The following TANK variants were observed in gnomAD, a reference collection of about 807,000 sequenced individuals.
TANK encodes the protein TRAF family member associated NFKB activator.
TANK carries 15 observed loss-of-function variants against 43.6 expected under a neutral mutation model. The ratio of observed to expected loss-of-function variants is 0.34; its 90% CI spans 0.23 to 0.53. The LOEUF (loss-of-function observed/expected upper bound fraction) is 0.53, where lower values mean the gene tolerates loss of function less well. TANK is among the 20% of genes least tolerant of loss of function. TANK has a pLI of 0.94. For synonymous variants in TANK, 162 were observed against 178.2 expected (o/e 0.91, Z 0.73); for missense variants, 417 against 498.6 (o/e 0.84, Z 1.56).
intron 2 of TANK, among the ~76,000 whole-genome samples, chr2:161,189,862 G>T (rs1685833898): frequency 1.3e-5 from 2 of 152,010 alleles, no homozygotes; most frequent in Non-Finnish European, 1.5e-5. Flanking sequence ...AAATGCAAGA[G>T]GTAAAAACCA....
chr2:161,173,388 T>A (rs1027219464), intron 1 of TANK, among the ~76,000 whole-genome samples: 1 of 152,196 alleles, frequency 6.6e-6, no homozygotes, highest in African/African-American at 2.4e-5. Context: ...TCTCTACTTG[T>A]TGAAACTCTT....
At chr2:161,159,322 G>C (rs1441581190), upstream of TANK, 1 of 152,058 alleles carries the variant, frequency 6.6e-6, no homozygotes, top group African/African-American at 2.4e-5. Flanking sequence ...CTTGTGTCGG[G>C]GCAGAAAGTA....
chr2:161,155,568 C>T (rs945377327), upstream of TANK, among the ~76,000 whole-genome samples: 1 of 152,206 alleles, frequency 6.6e-6, no homozygotes, highest in African/African-American at 2.4e-5. Context: ...CTTGAGTAGG[C>T]AGACACTATA....
intron 1 of TANK, among the ~76,000 whole-genome samples, chr2:161,144,896 G>T (rs1372477435): frequency 2.0e-5 from 3 of 152,002 alleles, no homozygotes; most frequent in African/African-American, 7.2e-5. Context: ...TGACAGTAGG[G>T]TGTTAAAGTC....
chr2:161,191,855 G>A (rs1198177980), intron 2 of TANK, among the ~76,000 whole-genome samples: 3 of 151,868 alleles, frequency 2.0e-5, no homozygotes, highest in Non-Finnish European at 2.9e-5. Context: ...GTGCAGTGGC[G>A]CTCACTTGGC....
At chr2:161,168,327 T>G (rs1294425676) in intron 1 of TANK, among the ~76,000 whole-genome samples, 5 of 152,122 alleles carry the variant, frequency 3.3e-5, no homozygotes, top group Non-Finnish European at 5.9e-5. Flanking sequence ...AAAACCCAGA[T>G]AGTAGAAGTC....
chr2:161,138,983 T>C (rs987761243), intron 1 of TANK, among the ~76,000 whole-genome samples: 1 of 152,226 alleles, frequency 6.6e-6, no homozygotes, highest in African/African-American at 2.4e-5. Context: ...CTTGTGTGTG[T>C]AGTAAAGGTA....
chr2:161,195,841 T>G (rs1473360497), intron 2 of TANK, among the ~76,000 whole-genome samples: 1 of 152,144 alleles, frequency 6.6e-6, no homozygotes, highest in Non-Finnish European at 1.5e-5. Context: ...AGCACTTTTT[T>G]TGGGAGGCCC....
At chr2:161,147,454 C>A (rs1230183232) in intron 1 of TANK, among the ~76,000 whole-genome samples, 1 of 152,056 alleles carries the variant, frequency 6.6e-6, no homozygotes, top group Non-Finnish European at 1.5e-5. Flanking sequence ...GGTGTGGGCT[C>A]ACTAGTGGGA....
At chr2:161,178,200 T>C (rs1685253793) in intron 1 of TANK, among the ~76,000 whole-genome samples, 1 of 152,016 alleles carries the variant, frequency 6.6e-6, no homozygotes, top group Non-Finnish European at 1.5e-5. Context: ...CACACAAAAA[T>C]GTATACACAA....
At chr2:161,195,114 T>C (rs1161459924) in intron 2 of TANK, among the ~76,000 whole-genome samples, 1 of 152,226 alleles carries the variant, frequency 6.6e-6, no homozygotes, top group Non-Finnish European at 1.5e-5. Context: ...AAACTTTTAG[T>C]CAGGTATGTA....
chr2:161,172,472 G>T (rs1016153462), intron 1 of TANK, among the ~76,000 whole-genome samples: 52 of 151,446 alleles, frequency 3.4e-4, no homozygotes, highest in African/African-American at 1.1e-3. Flanking sequence ...AATAGTGAAG[G>T]CATAGTTATC....
chr2:161,174,268 G>A (rs563149606), intron 1 of TANK, among the ~76,000 whole-genome samples: 2 of 152,168 alleles, frequency 1.3e-5, no homozygotes, highest in South Asian at 4.1e-4. Context: ...ATTTAGTAAA[G>A]TGTTTAGGAG....
At chr2:161,201,121 GT>G in intron 2 of TANK, 1 of 985,332 alleles carries the variant, frequency 1.0e-6, no homozygotes, top group South Asian at 4.7e-5. Flanking sequence ...GACTCTTGCT[GT>G]TCTGTTTCCC....
At chr2:161,200,365 T>G (rs1469955725) in intron 2 of TANK, 1 of 985,000 alleles carries the variant, frequency 1.0e-6, no homozygotes, top group Non-Finnish European at 1.2e-6. Flanking sequence ...CTTTTCTGGT[T>G]TTAAGTTTAG....
At chr2:161,203,421 A>G in intron 2 of TANK, 66 bp from the exon 3 acceptor site, 8 of 1,070,692 alleles carry the variant, frequency 7.5e-6, no homozygotes, top group East Asian at 2.4e-5. Flanking sequence ...TATATTATCA[A>G]TGGATGGTAA....
rs559540201 is a variant in TANK at position 161,183,419 on chromosome 2, G to A, written c.99+3658G>A. Among the ~76,000 whole-genome samples, 4 of 152,076 alleles carry A rather than the reference G, an allele frequency of 2.6e-5. No individual in the cohort carries two copies. In the South Asian group the frequency reaches 6.2e-4, roughly 24 times the overall value. The stretch of plus-strand genomic sequence containing the variant: ...TTTTGTAGAAAGCAAAAAACTCAAC[G>A]TTCTTCTTAGGTTCATTAAGAAACC... On this transcript the variant is annotated intron_variant, in intron 2 of 7. Transcript: ENST00000392749.
chr2:161,212,531 G>C, intron 4 of TANK: 1 of 985,142 alleles, frequency 1.0e-6, no homozygotes, highest in African/African-American at 1.7e-5. Context: ...TACAGTTTTT[G>C]CTTTTGTTAA....
intron 4 of TANK, chr2:161,216,411 C>T: frequency 2.1e-6 from 1 of 470,316 alleles, no homozygotes; most frequent in South Asian, 1.6e-5. Flanking sequence ...CACTTCTGTC[C>T]TCAGCTCTTG....
Sources: gnomAD v4.1 joint callset for allele counts (sites outside exome capture counted in the v4.1 genomes callset) on GRCh38, gnomAD v4.1.1 for gene constraint, MANE v1.5 for transcripts, NCBI Gene and HGNC (gene_info 2026-07-23, HGNC 2026-07-21) for gene names.